CFAP61: variants seen among roughly 807,000 people sequenced by gnomAD.
CFAP61 encodes the protein cilia and flagella associated protein 61.
Under a neutral mutation model 135.6 loss-of-function variants are expected in CFAP61, and 107 were observed. The ratio of observed to expected loss-of-function variants is 0.79; its 90% CI spans 0.67 to 0.93. CFAP61 has a LOEUF of 0.93. Among genes scored for constraint, CFAP61 ranks in the 40% least tolerant of loss-of-function variants. The pLI, the probability that CFAP61 is intolerant of heterozygous loss-of-function variation, is 0.00. For synonymous variants in CFAP61, 575 were observed against 578.5 expected, an observed-to-expected ratio of 0.99 and a Z score of 0.09; for missense variants, 1,507 against 1,556.2, an observed-to-expected ratio of 0.97 and a Z score of 0.53.
chr20:20,159,414 A>G lies in CFAP61; in HGVS notation c.996A>G (p.Ala332=), dbSNP rs1396267515. 1 of 1,614,028 alleles carries G rather than the reference A, an allele frequency of 6.2e-7. No individual in the cohort carries two copies. ...REAASEEALT[A]VQSGNVSEPE... ...CTGCATCCGAGGAAGCTTTAACAGC[A>G]GTCCAAAGTGGAAATGTTAGTGAAC... The change falls in exon 10 of 27, where the codon GCA becomes GCG. Residue 332 remains alanine, a synonymous_variant. Transcript: ENST00000245957.
chr20:20,234,133 G>A (rs2049387247), intron 18 of CFAP61, among the ~76,000 whole-genome samples: 1 of 152,200 alleles, frequency 6.6e-6, no homozygotes, highest in Non-Finnish European at 1.5e-5. Context: ...TTATTTGGGA[G>A]TGATCCTAGG....
intron 25 of CFAP61, among the ~76,000 whole-genome samples, chr20:20,324,038 C>T (rs1456254009): frequency 1.3e-5 from 2 of 152,122 alleles, no homozygotes; most frequent in African/African-American, 4.8e-5. Flanking sequence ...ATTAACCCTG[C>T]AATAAACATT....
In CFAP61 at chr20:20,115,269, C is replaced by G. The variant is rs115692312; in HGVS notation, c.859+16455C>G. ...AGAGTATTCTCTCTTCTATTCATTT[C>G]AAGTTTATTACTGAGTTTATTTTAA... On this transcript the variant is annotated intron_variant, in intron 8 of 26. Transcript: ENST00000245957. 3.9e-3 allele frequency among the ~76,000 whole-genome samples: 538 copies of G among 137,756 alleles called. 4 individuals are homozygous for G. Among genetic ancestry groups the G allele is most frequent in the African/African-American group, 0.014 (510 of 37,728 alleles). The allele number at this position is 137,756 out of a possible 152,430, so 90.4% of individuals were successfully genotyped here.
intron 26 of CFAP61, among the ~76,000 whole-genome samples, chr20:20,342,969 T>G (rs939908829): frequency 1.3e-5 from 2 of 152,178 alleles, no homozygotes; most frequent in East Asian, 3.9e-4. Context: ...CAAGCGATTC[T>G]CCTGCCTCAG....
At chr20:20,293,207 G>A (rs369664297) in intron 24 of CFAP61, among the ~76,000 whole-genome samples, 11 of 152,306 alleles carry the variant, frequency 7.2e-5, no homozygotes, top group African/African-American at 1.7e-4. Flanking sequence ...ATGCGGCATC[G>A]TTTATTTATG....
At chr20:20,195,603 G>A (rs931483869) in intron 15 of CFAP61, among the ~76,000 whole-genome samples, 3 of 148,984 alleles carry the variant, frequency 2.0e-5, no homozygotes, top group Admixed American at 6.8e-5. Context: ...AACTGGGCCT[G>A]TGGAAACGAG....
At chr20:20,097,096 ATTT>A (rs3060424) in intron 7 of CFAP61, among the ~76,000 whole-genome samples, 3,620 of 147,282 alleles carry the variant, frequency 0.025, 101 homozygotes, top group Middle Eastern at 0.073. Flanking sequence ...TTTAATACCT[ATTT>A]TTTTTTTTTT....
chr20:20,302,785 A>C (rs1000126489), intron 25 of CFAP61, among the ~76,000 whole-genome samples: 1 of 152,226 alleles, frequency 6.6e-6, no homozygotes, highest in East Asian at 1.9e-4. Flanking sequence ...ATTTTTATAG[A>C]TGTCCTTTAT....
At chr20:20,234,705 C>G (rs2049441579) in intron 18 of CFAP61, among the ~76,000 whole-genome samples, 2 of 152,152 alleles carry the variant, frequency 1.3e-5, no homozygotes, top group Non-Finnish European at 1.5e-5. Flanking sequence ...AGGCCCCACT[C>G]TCCAGGGACT....
chr20:20,345,717 T>C (rs1352138768), intron 26 of CFAP61, among the ~76,000 whole-genome samples: 3 of 151,888 alleles, frequency 2.0e-5, no homozygotes, highest in Non-Finnish European at 4.4e-5. Flanking sequence ...GGTCAGGAGT[T>C]CGAGACTAGC....
Position 20,359,155 on chromosome 20 carries a change from C to T in CFAP61, c.3514-1055C>T, listed in dbSNP as rs2059382902. ...TTAGGAAAATCTCTACTACACTGTA[C>T]CTATGTGCAGCATAAGATTCTCAGC... is the stretch of plus-strand genomic sequence containing the variant. On this transcript the variant is annotated intron_variant, in intron 26 of 26. Transcript: ENST00000245957. The surrounding 1 kb of genome is among the most constrained non-coding windows in gnomAD (Gnocchi z 4.0). Among the ~76,000 whole-genome samples the T allele has an allele frequency of 6.6e-6, 1 of 152,162 alleles. No homozygotes were observed.
Position 20,290,363 on chromosome 20 carries a change from T to C in CFAP61, c.3188T>C (p.Leu1063Ser), listed in dbSNP as rs1601838104. 6.2e-7 allele frequency: 1 copy of C among 1,611,496 alleles called. No homozygotes were observed. Among genetic ancestry groups the C allele is most frequent in the Non-Finnish European group, 8.5e-7 (1 of 1,177,528 alleles). ...GCCAAGCCTGCCATTCCAACTCCCT[T>C]GGAGGTACAAATGGCACAGCCTAAT... ...HIAKPAIPTP[L>S]EVQMAQPNYG... The change falls in exon 24 of 27, where the codon TTG becomes TCG. Residue 1063 changes from leucine to serine, a missense_variant. Leu to Ser is a moderately radical substitution (Grantham distance 145). Transcript: ENST00000245957.
chr20:20,265,017 T>TA (rs2052593444), intron 21 of CFAP61, among the ~76,000 whole-genome samples: 1 of 152,252 alleles, frequency 6.6e-6, no homozygotes, highest in South Asian at 2.1e-4. Flanking sequence ...TGTGTTCTGA[T>TA]AAAATTTATT....
intron 5 of CFAP61, 113 bp from the exon 6 acceptor site, chr20:20,075,376 A>T: frequency 2.9e-6 from 4 of 1,395,454 alleles, no homozygotes; most frequent in Non-Finnish European, 4.0e-6. Context: ...TACCATGTGC[A>T]TATTTTATTA....
In CFAP61 at chr20:20,056,665, C is replaced by T; in HGVS notation, c.12C>T (p.Leu4=). The T allele has an allele frequency of 3.1e-6, 5 of 1,614,058 alleles. No individual in the cohort carries two copies. Among genetic ancestry groups the T allele is most frequent in the Non-Finnish European group, 3.4e-6 (4 of 1,179,960 alleles). The part of the protein sequence containing the change: MSV[L]TSPRGKVEVV... ...GGACAGGATAAAAAATGTCAGTACTCACTTCTCCAAGAGGAAAGGTAGAAG... is the reference window on the plus strand; with the variant it reads ...GGACAGGATAAAAAATGTCAGTACTTACTTCTCCAAGAGGAAAGGTAGAAG... The change falls in exon 2 of 27, where the codon CTC becomes CTT. Residue 4 remains leucine (L), a synonymous_variant. Coordinates refer to ENST00000245957, the MANE Select transcript of CFAP61 (RefSeq NM_015585.4).
intron 25 of CFAP61, among the ~76,000 whole-genome samples, chr20:20,314,491 T>C (rs2122211639): frequency 6.6e-6 from 1 of 151,394 alleles, no homozygotes; most frequent in South Asian, 2.1e-4. Context: ...TGATGCTTTC[T>C]TATACAAGCC....
chr20:20,057,546 G>A (rs751319786), intron 2 of CFAP61, among the ~76,000 whole-genome samples: 16 of 152,172 alleles, frequency 1.1e-4, no homozygotes, highest in Non-Finnish European at 2.4e-4. Context: ...CAAACAGTAC[G>A]TTGGAAACCT....
In CFAP61 at chr20:20,175,694, A is replaced by T. The variant is rs1392294817; in HGVS notation, c.1385+6234A>T. Among the ~76,000 whole-genome samples, 5 of 149,640 alleles carry T rather than the reference A, an allele frequency of 3.3e-5. No homozygotes were observed. The East Asian group carries it at 6.0e-4, about 18-fold the overall frequency. ...GGTGCCCACCATGACACCTGACTAA[A>T]TTTTTTTTTTTTATTTTTAGTAGAG... On this transcript the variant is annotated intron_variant, in intron 13 of 26. Transcript: ENST00000245957.
chr20:20,252,597 T>A (rs2051031760), intron 20 of CFAP61, among the ~76,000 whole-genome samples: 1 of 152,226 alleles, frequency 6.6e-6, no homozygotes. Flanking sequence ...AGTGTTTGTA[T>A]ATTTTATGTG....
Sources: allele counts gnomAD v4.1 joint callset (sites outside exome capture counted in the v4.1 genomes callset), GRCh38; gene constraint gnomAD v4.1.1; non-coding constraint Gnocchi (gnomAD v3.1); transcripts MANE v1.5; gene names NCBI Gene and HGNC (gene_info 2026-07-23, HGNC 2026-07-21).